Variants in ROCK1 observed in about 807,000 individuals in gnomAD.
ROCK1 encodes Rho associated coiled-coil containing protein kinase 1.
In ROCK1, 36 loss-of-function variants were observed where a neutral mutation model predicts 196.8. The ratio of observed to expected loss-of-function variants is 0.18; its 90% CI spans 0.14 to 0.24. The LOEUF (loss-of-function observed/expected upper bound fraction) is 0.24. Among genes scored for constraint, ROCK1 ranks in the 10% least tolerant of loss-of-function variants. The pLI, the probability that ROCK1 is intolerant of heterozygous loss-of-function variation, is 1.00. For synonymous variants in ROCK1, 443 were observed against 515.9 expected (o/e 0.86, Z 1.91); for missense variants, 920 against 1,562.0 (o/e 0.59, Z 6.93).
chr18:20,966,743 T>G (rs1355552103), intron 27 of ROCK1, among the ~76,000 whole-genome samples, 174 bp downstream of exon 27: 2 of 152,122 alleles, frequency 1.3e-5, no homozygotes, highest in Non-Finnish European at 2.9e-5. Flanking sequence ...ACTGCTCTAC[T>G]CCACAAAATA....
chr18:20,977,714 T>C (rs550919099), intron 22 of ROCK1, among the ~76,000 whole-genome samples: 18 of 152,300 alleles, frequency 1.2e-4, no homozygotes, highest in African/African-American at 3.8e-4. Flanking sequence ...ATAGTATGGA[T>C]TGAATATTTG....
chr18:21,032,951 C>A (rs768639255), intron 9 of ROCK1, among the ~76,000 whole-genome samples: 3 of 152,062 alleles, frequency 2.0e-5, no homozygotes, highest in African/African-American at 2.4e-5. Flanking sequence ...AACCCTAGCA[C>A]TTTGGAAGGC....
intron 1 of ROCK1, among the ~76,000 whole-genome samples, chr18:21,083,009 TAGTCAATACTCA>T (rs1286870514): frequency 6.6e-6 from 1 of 152,174 alleles, no homozygotes; most frequent in Non-Finnish European, 1.5e-5. Context: ...AGTTACAGGT[TAGTCAATACTCA>T]AAAATCAGTT....
chr18:21,070,493 T>G, intron 2 of ROCK1, 39 bp downstream of exon 2: 1 of 1,085,778 alleles, frequency 9.2e-7, no homozygotes, highest in Non-Finnish European at 1.4e-6. Context: ...AATGTAGTTA[T>G]ATGAAGTCTG....
chr18:21,098,133 G>T (rs1455695600), intron 1 of ROCK1, among the ~76,000 whole-genome samples: 2 of 152,190 alleles, frequency 1.3e-5, no homozygotes, highest in East Asian at 3.8e-4. Flanking sequence ...TATGTGCATG[G>T]GAGAGCAGGG....
chr18:21,006,694 C>T lies in ROCK1; in HGVS notation c.1638+5G>A. 1.3e-6 allele frequency: 2 copies of T among 1,593,290 alleles called. No individual in the cohort carries two copies. The highest frequency in any genetic ancestry group is 1.7e-6 in the Non-Finnish European group (2 of 1,174,234). On this transcript the variant is annotated splice_donor_5th_base_variant and intron_variant, in intron 15 of 32. Transcript: ENST00000399799. ...TTAAAAAGGAACCTCATTTGAAACA[C>T]TTACCTGCTTTTGTAACTGGGACAG...
Position 20,959,069 on chromosome 18 carries a change from T to TAA in ROCK1, c.3512+770_3512+771insTT, listed in dbSNP as rs1296768845. Among the ~76,000 whole-genome samples, 83 of 44,682 alleles carry TAA rather than the reference T, an allele frequency of 1.9e-3. 2 individuals are homozygous for TAA. The highest frequency in any genetic ancestry group is 0.013 in the African/African-American group (78 of 5,934). The allele number at this position is 44,682 out of a possible 152,430, so 29.3% of individuals were successfully genotyped here. A position where few individuals can be genotyped will look rare whatever the true frequency, so the allele number is the denominator to read the frequency against. On this transcript the variant is annotated intron_variant, in intron 29 of 32. Transcript: ENST00000399799. ...TATAATATATATATTATATTTTATA[T>TAA]TATATAATATATATATTTTATATAA...
chr18:21,083,252 C>T (rs1044077190), intron 1 of ROCK1, among the ~76,000 whole-genome samples: 3 of 152,072 alleles, frequency 2.0e-5, no homozygotes, highest in Non-Finnish European at 4.4e-5. Context: ...GGCAATACTA[C>T]TCAAAGTAAT....
intron 21 of ROCK1, among the ~76,000 whole-genome samples, chr18:20,980,549 G>A (rs2035521899): frequency 6.6e-6 from 1 of 152,114 alleles, no homozygotes. Flanking sequence ...TGACTGTGGT[G>A]GTGGTCACAC....
At position 20,947,692 on chromosome 18, in the gene ROCK1, A is replaced by T; in HGVS notation, c.*3692T>A. 6.6e-6 allele frequency: 1 copy of T among 151,528 alleles called. No individual in the cohort carries two copies. The highest frequency in any genetic ancestry group is 1.9e-4 in the East Asian group (1 of 5,172). The allele number at this position is 151,528 out of a possible 1,614,324, so 9.4% of individuals were successfully genotyped here. ...TATTAACCTAATGATCAACTTTAAA[A>T]ATCATTTGTTTATTTAAAAAAACCA... is the stretch of plus-strand genomic sequence containing the variant. On this transcript the variant is annotated 3_prime_UTR_variant, in exon 33 of 33. Transcript: ENST00000399799.
chr18:20,968,075 CATG>C (rs2035390753), intron 25 of ROCK1, 135 bp from the exon 26 acceptor site: 6 of 797,138 alleles, frequency 7.5e-6, no homozygotes, highest in Admixed American at 3.4e-5. Context: ...ATGGTTGAGA[CATG>C]ATAACTGGTA....
chr18:21,062,869 G>A (rs1241946892), intron 2 of ROCK1, among the ~76,000 whole-genome samples: 1 of 152,118 alleles, frequency 6.6e-6, no homozygotes, highest in Non-Finnish European at 1.5e-5. Flanking sequence ...CTAATGCACT[G>A]AGCTCATATA....
chr18:20,967,406 C>T (rs945159874), intron 26 of ROCK1, among the ~76,000 whole-genome samples: 13 of 152,110 alleles, frequency 8.5e-5, no homozygotes, highest in African/African-American at 2.9e-4. Flanking sequence ...CTTCAGAAAA[C>T]CATAACTGAT....
intron 1 of ROCK1, among the ~76,000 whole-genome samples, chr18:21,080,987 A>G (rs1003692743): frequency 2.6e-5 from 4 of 152,176 alleles, no homozygotes; most frequent in East Asian, 1.9e-4. Flanking sequence ...AACAGAGGAC[A>G]TGAACGACAC....
At chr18:21,024,243 A>C (rs1250814913) in intron 10 of ROCK1, among the ~76,000 whole-genome samples, 1 of 152,176 alleles carries the variant, frequency 6.6e-6, no homozygotes, top group Non-Finnish European at 1.5e-5. Context: ...TGATGCTGCT[A>C]ATCTTTTGGG....
At chr18:20,972,514 G>A (rs1043283472) in intron 22 of ROCK1, among the ~76,000 whole-genome samples, 1 of 152,174 alleles carries the variant, frequency 6.6e-6, no homozygotes, top group African/African-American at 2.4e-5. Context: ...AATCCCTTGA[G>A]CACTCCAAAC....
At chr18:20,994,240 ATG>A (rs1293099469) in intron 16 of ROCK1, among the ~76,000 whole-genome samples, 1 of 152,244 alleles carries the variant, frequency 6.6e-6, no homozygotes, top group East Asian at 1.9e-4. Context: ...TACAGAGTAT[ATG>A]TGTGTTTGTG....
chr18:21,002,740 G>A (rs956293139), intron 16 of ROCK1, among the ~76,000 whole-genome samples: 1 of 151,940 alleles, frequency 6.6e-6, no homozygotes, highest in African/African-American at 2.4e-5. Flanking sequence ...TTTTTCATTC[G>A]TTTGTTTGTT....
At chr18:21,064,844 T>C (rs1474047359) in intron 2 of ROCK1, among the ~76,000 whole-genome samples, 1 of 152,244 alleles carries the variant, frequency 6.6e-6, no homozygotes, top group Non-Finnish European at 1.5e-5. Flanking sequence ...TTGCTTTTGA[T>C]TACATTTTCT....
Sources: gnomAD v4.1 joint callset for allele counts (sites outside exome capture counted in the v4.1 genomes callset) on GRCh38, gnomAD v4.1.1 for gene constraint, MANE v1.5 for transcripts, NCBI Gene and HGNC (gene_info 2026-07-23, HGNC 2026-07-21) for gene names.